MND1: variants seen among roughly 807,000 people sequenced by gnomAD.
MND1 encodes the protein meiotic nuclear division protein 1 homolog.
A neutral mutation model predicts 35.1 loss-of-function variants in MND1; 28 were observed. The ratio of observed to expected loss-of-function variants is 0.80; its 90% CI spans 0.59 to 1.09. The LOEUF (loss-of-function observed/expected upper bound fraction) is 1.09, where lower values mean the gene tolerates loss of function less well. Ranked by LOEUF, MND1 falls within the 50% of genes least tolerant of loss-of-function variation. MND1 has a pLI of 0.00. For missense variants in MND1, 213 were observed against 239.6 expected, an observed-to-expected ratio of 0.89 and a Z score of 0.73; for synonymous variants, 69 against 70.5, an observed-to-expected ratio of 0.98 and a Z score of 0.11.
chr4:153,379,298 A>G (rs1728599994), intron 4 of MND1, among the ~76,000 whole-genome samples: 1 of 150,738 alleles, frequency 6.6e-6, no homozygotes, highest in Non-Finnish European at 1.5e-5. Context: ...TCAAAAAAAA[A>G]AAAAAAGAAG....
chr4:153,376,426 C>T (rs1262819964), intron 4 of MND1, among the ~76,000 whole-genome samples: 1 of 152,174 alleles, frequency 6.6e-6, no homozygotes, highest in Non-Finnish European at 1.5e-5. Context: ...TGGTTCTCTT[C>T]TTTGCCCTTC....
At chr4:153,393,924 C>CTTTTTTTATTTTTTTTTTTTTT (rs1729122467) in intron 4 of MND1, among the ~76,000 whole-genome samples, 1 of 56,464 alleles carries the variant, frequency 1.8e-5, no homozygotes, top group Non-Finnish European at 3.1e-5. Context: ...ACTTTGTTTT[C>CTTTTTTTATTTTTTTTTTTTTT]TTTTTTTTTT....
intron 3 of MND1, among the ~76,000 whole-genome samples, chr4:153,356,516 G>GCA (rs1773344430): frequency 8.5e-6 from 1 of 118,170 alleles, no homozygotes; most frequent in African/African-American, 3.3e-5. Flanking sequence ...TCGCGCCACT[G>GCA]CACTCCAGCC....
chr4:153,358,647 T>C (rs1773405279), intron 4 of MND1, 25 bp downstream of exon 4: 1 of 1,600,722 alleles, frequency 6.2e-7, no homozygotes, highest in African/African-American at 1.3e-5. Context: ...TTAAAAAGAA[T>C]AGAGTTGCTT....
chr4:153,388,355 T>C (rs1161319403), intron 4 of MND1, among the ~76,000 whole-genome samples: 1 of 152,076 alleles, frequency 6.6e-6, no homozygotes, highest in African/African-American at 2.4e-5. Context: ...GGCATAGTGG[T>C]ACATGCCTGT....
At chr4:153,378,046 A>G (rs77629086) in intron 4 of MND1, among the ~76,000 whole-genome samples, 1 of 152,106 alleles carries the variant, frequency 6.6e-6, no homozygotes, top group Non-Finnish European at 1.5e-5. Flanking sequence ...ATCGTTTTCT[A>G]TCTCCCACGT....
chr4:153,353,633 A>G (rs976147977), intron 2 of MND1, among the ~76,000 whole-genome samples: 7 of 151,678 alleles, frequency 4.6e-5, no homozygotes, highest in Admixed American at 1.3e-4. Flanking sequence ...TTTATGAAGT[A>G]TAATTTCTAT....
chr4:153,402,433 AC>A (rs1365993487), intron 6 of MND1, among the ~76,000 whole-genome samples: 1 of 152,192 alleles, frequency 6.6e-6, no homozygotes, highest in Non-Finnish European at 1.5e-5. Flanking sequence ...GTTGTAGTCA[AC>A]TTTTTCAGAA....
intron 2 of MND1, among the ~76,000 whole-genome samples, chr4:153,351,865 CAT>C (rs1773223826): frequency 6.6e-6 from 1 of 152,206 alleles, no homozygotes; most frequent in African/African-American, 2.4e-5. Flanking sequence ...AAAAACAAGA[CAT>C]GATGACAAAT....
At chr4:153,379,472 A>G (rs1728608180) in intron 4 of MND1, among the ~76,000 whole-genome samples, 1 of 152,060 alleles carries the variant, frequency 6.6e-6, no homozygotes. Context: ...TGGGAGGCCA[A>G]GATGAGGATG....
At chr4:153,402,604 C>G (rs1396663102) in intron 6 of MND1, among the ~76,000 whole-genome samples, 7 of 152,156 alleles carry the variant, frequency 4.6e-5, no homozygotes, top group Admixed American at 3.3e-4. Context: ...TTCCTACTGT[C>G]TAGAGGAACA....
Position 153,349,094 on chromosome 4 carries a change from CTTT to C in MND1, c.4-956_4-954del, listed in dbSNP as rs56180318. Among the ~76,000 whole-genome samples, 1,082 of 137,564 alleles carry C rather than the reference CTTT, an allele frequency of 7.9e-3. 16 individuals are homozygous for C. The highest frequency in any genetic ancestry group is 0.028 in the African/African-American group (1,025 of 37,254). 90.2% of individuals were successfully genotyped at this position (137,564 alleles called of 152,430 possible). A position where few individuals can be genotyped will look rare whatever the true frequency, so the allele number is the denominator to read the frequency against. ...AGAACTGGAGGTGATAGTTCTCACTCTTTTTTTTTTTTTTTTCTGTAAACCTTT... is the reference window on the plus strand; with the variant it reads ...AGAACTGGAGGTGATAGTTCTCACTCTTTTTTTTTTTTTCTGTAAACCTTT... On this transcript the variant is annotated intron_variant, in intron 1 of 7. Coordinates refer to ENST00000240488, the MANE Select transcript of MND1 (RefSeq NM_032117.4).
At position 153,395,541 on chromosome 4, in the gene MND1, A is replaced by G. The variant is rs968210343; in HGVS notation, c.351+1205A>G. On this transcript the variant is annotated intron_variant, in intron 5 of 7. Coordinates refer to ENST00000240488, the MANE Select transcript of MND1 (RefSeq NM_032117.4). ...GACTTTTCAGAGCTACCTAGCCCCT[A>G]TCTGCTAATTATTCTTGATGATGGT... Among the ~76,000 whole-genome samples the G allele has an allele frequency of 5.9e-5, 9 of 152,344 alleles. No individual in the cohort carries two copies. The South Asian group carries it at 1.5e-3, about 25-fold the overall frequency.
upstream of MND1, chr4:153,344,655 C>A (rs1350647486): frequency 3.1e-6 from 4 of 1,291,882 alleles, no homozygotes; most frequent in Non-Finnish European, 4.3e-6. Flanking sequence ...GCGTAGTCGG[C>A]GCCAAAATCA....
intron 4 of MND1, among the ~76,000 whole-genome samples, chr4:153,365,750 C>T (rs979884453): frequency 2.6e-5 from 4 of 152,134 alleles, no homozygotes; most frequent in South Asian, 2.1e-4. Flanking sequence ...CTGGTGTGAG[C>T]CATTGTGCCT....
chr4:153,383,903 T>C (rs1728777186), intron 4 of MND1, among the ~76,000 whole-genome samples: 1 of 152,208 alleles, frequency 6.6e-6, no homozygotes, highest in African/African-American at 2.4e-5. Flanking sequence ...GGTAGACAAT[T>C]AGTGGCCTCT....
chr4:153,379,634 G>C (rs373549509), intron 4 of MND1, among the ~76,000 whole-genome samples: 1 of 151,806 alleles, frequency 6.6e-6, no homozygotes, highest in South Asian at 2.1e-4. Flanking sequence ...GGTGGATCAC[G>C]AGGTCAGGAG....
intron 5 of MND1, among the ~76,000 whole-genome samples, chr4:153,394,683 C>A (rs939587620): frequency 6.6e-6 from 1 of 152,080 alleles, no homozygotes; most frequent in Middle Eastern, 3.2e-3. Flanking sequence ...ATTTGCAAAG[C>A]ACCTAGAAGA....
At chr4:153,368,769 G>A (rs981849869) in intron 4 of MND1, among the ~76,000 whole-genome samples, 1 of 152,020 alleles carries the variant, frequency 6.6e-6, no homozygotes, top group African/African-American at 2.4e-5. Context: ...ATTTGTGGCC[G>A]AATGTGTATT....
Sources: gnomAD v4.1 joint callset for allele counts (sites outside exome capture counted in the v4.1 genomes callset) on GRCh38, gnomAD v4.1.1 for gene constraint, MANE v1.5 for transcripts, NCBI Gene and HGNC (gene_info 2026-07-23, HGNC 2026-07-21) for gene names.